PHKA2: variants seen among roughly 807,000 people sequenced by gnomAD.
PHKA2 encodes the protein phosphorylase b kinase regulatory subunit alpha, liver isoform.
PHKA2 carries 31 observed loss-of-function variants against 102.0 expected under a neutral mutation model. That is an observed-to-expected ratio of 0.30 (90% CI 0.23 to 0.41). The LOEUF (loss-of-function observed/expected upper bound fraction) is 0.41. PHKA2 is among the 10% of genes least tolerant of loss of function. The probability of loss-of-function intolerance (pLI) is 1.00; values close to 1 mark genes in which losing one functional copy is unlikely to be tolerated. For missense variants in PHKA2, 858 were observed against 1,023.1 expected (o/e 0.84, Z 2.20); for synonymous variants, 455 against 416.2 (o/e 1.09, Z -1.13).
In PHKA2 at chrX:18,951,059, G is replaced by A. The variant is rs181360653; in HGVS notation, c.454+45C>T. Reference sequence around the variant, plus strand: ...CCTGTCCTCCTCCCACCCCTTTTCCGGATTGTCACTCCTTATACAATGGGC... The same window carrying A: ...CCTGTCCTCCTCCCACCCCTTTTCCAGATTGTCACTCCTTATACAATGGGC... On this transcript the variant is annotated intron_variant, in intron 4 of 32. Coordinates refer to ENST00000379942, the MANE Select transcript of PHKA2 (RefSeq NM_000292.3). 30 of 1,184,935 alleles carry A rather than the reference G, an allele frequency of 2.5e-5. No homozygotes were observed. The South Asian group carries it at 3.4e-4, about 13-fold the overall frequency.
intron 22 of PHKA2, 107 bp from the exon 23 acceptor site, chrX:18,907,204 C>T (rs2047836977): frequency 3.3e-6 from 2 of 607,331 alleles, no homozygotes; most frequent in South Asian, 4.8e-5. Context: ...CGTACATTTA[C>T]CTTTACAAAC....
intron 19 of PHKA2, among the ~76,000 whole-genome samples, chrX:18,913,648 G>C (rs1231698661): frequency 9.0e-6 from 1 of 111,239 alleles, no homozygotes; most frequent in Non-Finnish European, 1.9e-5. Flanking sequence ...CACCCACCTG[G>C]GCCTCCTAAA....
chrX:18,904,102 G>C (rs975968908), intron 26 of PHKA2, among the ~76,000 whole-genome samples: 3 of 111,752 alleles, frequency 2.7e-5, no homozygotes, highest in African/African-American at 9.8e-5. Flanking sequence ...TGTGCAGGAG[G>C]AGTAGTGACA....
At chrX:18,968,075 A>G (rs765592200) in intron 1 of PHKA2, among the ~76,000 whole-genome samples, 3 of 111,899 alleles carry the variant, frequency 2.7e-5, no homozygotes, top group African/African-American at 9.7e-5. Flanking sequence ...AAATTTTTGT[A>G]TAATTTCAAA....
chrX:18,895,328 AGAGT>A lies in PHKA2; in HGVS notation c.3283-141_3283-138del, dbSNP rs1601689721. ...GAGGGCTGGGACACGCCAGACTGTC[AGAGT>A]TATTTTTAGAGAGCTTGTTCTCACT... On this transcript the variant is annotated intron_variant, in intron 30 of 32. Coordinates refer to ENST00000379942, the MANE Select transcript of PHKA2 (RefSeq NM_000292.3). 2.3e-5 allele frequency: 13 copies of A among 573,548 alleles called. No homozygotes were observed. The South Asian group carries it at 2.8e-4, about 12-fold the overall frequency. The allele number at this position is 573,548 out of a possible 1,213,427, so 47.3% of individuals were successfully genotyped here. A position where few individuals can be genotyped will look rare whatever the true frequency, so the allele number is the denominator to read the frequency against.
intron 30 of PHKA2, 179 bp from the exon 31 acceptor site, chrX:18,895,370 T>C: frequency 6.1e-6 from 3 of 489,746 alleles, no homozygotes; most frequent in African/African-American, 2.3e-5. Context: ...CCACAGGCTG[T>C]GTTTTCGATG....
At chrX:18,960,422 G>A (rs977782175) in intron 1 of PHKA2, among the ~76,000 whole-genome samples, 5 of 111,920 alleles carry the variant, frequency 4.5e-5, no homozygotes, top group African/African-American at 1.6e-4. Flanking sequence ...TGTACAGGAA[G>A]CATGGGGCAT....
Position 18,936,121 on chromosome X carries a change from T to C in PHKA2, c.1071A>G (p.Gly357=), listed in dbSNP as rs372850698. ...TCCCATTCTTGCCTCTGATGAGTAT[T>C]CCCTCCAGGGCCTCTCGGTATTCTT... ...QVQEYREALE[G]ILIRGKNGIR... is the part of the protein sequence containing the mutation. The change falls in exon 11 of 33, where the codon GGA becomes GGG. Residue 357 remains glycine (G), a synonymous_variant. Transcript: ENST00000379942. 4.9e-5 allele frequency: 59 copies of C among 1,201,032 alleles called. No homozygotes were observed. The Middle Eastern group carries it at 9.2e-4, about 19-fold the overall frequency.
chrX:18,909,845 A>G (rs1207001230), intron 20 of PHKA2, among the ~76,000 whole-genome samples: 3 of 112,430 alleles, frequency 2.7e-5, no homozygotes, highest in African/African-American at 9.7e-5. Context: ...ACAAGAGCTA[A>G]GGAGGGGTTG....
chrX:18,915,292 A>T (rs72616073), intron 19 of PHKA2: 4 of 109,015 alleles, frequency 3.7e-5, no homozygotes, highest in Non-Finnish European at 7.6e-5. Context: ...GCAGTGAGCC[A>T]TGATCATGCC....
At chrX:18,948,944 A>G (rs2048631466) in intron 4 of PHKA2, 118 bp from the exon 5 acceptor site, 2 of 523,767 alleles carry the variant, frequency 3.8e-6, no homozygotes, top group Admixed American at 2.5e-5. Context: ...TTTCTTCCAA[A>G]GGCATCAAAA....
chrX:18,937,335 G>A (rs909509972), intron 10 of PHKA2, among the ~76,000 whole-genome samples: 3 of 111,396 alleles, frequency 2.7e-5, no homozygotes, highest in Non-Finnish European at 3.8e-5. Context: ...ATGAACAAAT[G>A]AGAGTTGCAT....
At chrX:18,908,706 GC>G (rs1486301096) in intron 21 of PHKA2, 94 bp downstream of exon 21, 1 of 805,939 alleles carries the variant, frequency 1.2e-6, no homozygotes, top group Admixed American at 2.2e-5. Context: ...CAACTTCCCA[GC>G]CTCCGGAACT....
chrX:18,913,474 C>T (rs1159346822), intron 19 of PHKA2, among the ~76,000 whole-genome samples: 3 of 109,017 alleles, frequency 2.8e-5, no homozygotes, highest in Non-Finnish European at 5.7e-5. Context: ...GGTGCGATCT[C>T]GGCTCACTGC....
At chrX:18,944,601 G>A (rs1361886030) in intron 6 of PHKA2, among the ~76,000 whole-genome samples, 1 of 111,565 alleles carries the variant, frequency 9.0e-6, no homozygotes, top group African/African-American at 3.3e-5. Context: ...TTGAATCAGA[G>A]TACCTTCAGG....
chrX:18,894,670 T>C, intron 31 of PHKA2: 1 of 426,767 alleles, frequency 2.3e-6, no homozygotes, highest in Non-Finnish European at 4.1e-6. Context: ...GCAGGGACCA[T>C]TTCTGGTTTC....
chrX:18,955,980 A>G, intron 1 of PHKA2, among the ~76,000 whole-genome samples: 1 of 112,741 alleles, frequency 8.9e-6, no homozygotes, highest in Middle Eastern at 4.6e-3. Flanking sequence ...TGAAAGTACA[A>G]ATCTTATTCC....
intron 14 of PHKA2, 151 bp downstream of exon 14, chrX:18,926,302 G>A: frequency 7.3e-6 from 4 of 546,291 alleles, no homozygotes; most frequent in Non-Finnish European, 1.3e-5. Context: ...TGGTTTGCCC[G>A]TTCCTCTTCA....
intron 20 of PHKA2, 101 bp from the exon 21 acceptor site, chrX:18,909,035 G>A (rs1393854999): frequency 1.2e-5 from 12 of 1,038,592 alleles, no homozygotes; most frequent in Non-Finnish European, 1.6e-5. Flanking sequence ...CTCTATTGCT[G>A]TGCTGTGCTC....
Sources: allele counts gnomAD v4.1 joint callset (sites outside exome capture counted in the v4.1 genomes callset), GRCh38; gene constraint gnomAD v4.1.1; transcripts MANE v1.5; gene names NCBI Gene and HGNC (gene_info 2026-07-23, HGNC 2026-07-21).